KCTD2: variants seen among roughly 807,000 people sequenced by gnomAD.
KCTD2 encodes potassium channel tetramerization domain containing 2.
Under a neutral mutation model 27.9 loss-of-function variants are expected in KCTD2, and 18 were observed. That is an observed-to-expected ratio of 0.64 (90% CI 0.45 to 0.96). KCTD2 has a LOEUF of 0.96. Among genes scored for constraint, KCTD2 ranks in the 40% least tolerant of loss-of-function variants. The pLI, the probability that KCTD2 is intolerant of heterozygous loss-of-function variation, is 0.00. For missense variants in KCTD2, 280 were observed against 348.0 expected, an observed-to-expected ratio of 0.80 and a Z score of 1.56; for synonymous variants, 175 against 148.4, an observed-to-expected ratio of 1.18 and a Z score of -1.30.
chr17:75,062,669 T>C (rs2073415442), intron 5 of KCTD2, among the ~76,000 whole-genome samples: 1 of 139,380 alleles, frequency 7.2e-6, no homozygotes, highest in South Asian at 2.4e-4. Context: ...ACTGTTTCTT[T>C]TCCCTCCACT....
intron 3 of KCTD2, among the ~76,000 whole-genome samples, chr17:75,056,900 C>G (rs1214206201): frequency 6.6e-6 from 1 of 150,628 alleles, no homozygotes; most frequent in Non-Finnish European, 1.5e-5. Context: ...CCTCTTAGCT[C>G]TTAGTGGCTG....
chr17:75,048,351 C>T (rs539949148), intron 1 of KCTD2, among the ~76,000 whole-genome samples: 4 of 152,084 alleles, frequency 2.6e-5, no homozygotes, highest in Admixed American at 1.3e-4. Context: ...ACGTATTCAC[C>T]TTTAAGTTCT....
At chr17:75,060,488 A>G (rs1350738419) in intron 4 of KCTD2, 2 of 1,612,018 alleles carry the variant, frequency 1.2e-6, no homozygotes, top group African/African-American at 2.7e-5. Flanking sequence ...CCAGGGTTGG[A>G]ACTAACCAGA....
chr17:75,049,883 G>A (rs530783198), intron 2 of KCTD2, among the ~76,000 whole-genome samples: 1 of 152,164 alleles, frequency 6.6e-6, no homozygotes, highest in Non-Finnish European at 1.5e-5. Context: ...CTATAAGTGG[G>A]TCTAGTCCAC....
chr17:75,034,566 C>G (rs1270395188), intron 2 of KCTD2, among the ~76,000 whole-genome samples: 1 of 152,176 alleles, frequency 6.6e-6, no homozygotes, highest in Non-Finnish European at 1.5e-5. Flanking sequence ...CCAAACACGG[C>G]CCTGCTGTGG....
chr17:75,034,931 G>C (rs1341561296), intron 2 of KCTD2, among the ~76,000 whole-genome samples: 1 of 152,088 alleles, frequency 6.6e-6, no homozygotes, highest in African/African-American at 2.4e-5. Flanking sequence ...CAATTCCCAG[G>C]GAGGCTCAGA....
chr17:75,041,399 CCA>C (rs959630225), intron 3 of KCTD2: 3 of 146,618 alleles, frequency 2.0e-5, no homozygotes, highest in Non-Finnish European at 4.5e-5. Flanking sequence ...TTGCCTGAGC[CCA>C]GAGTTTGAGA....
At chr17:75,058,029 A>T (rs1016773972) in intron 3 of KCTD2, among the ~76,000 whole-genome samples, 1 of 152,028 alleles carries the variant, frequency 6.6e-6, no homozygotes, top group African/African-American at 2.4e-5. Flanking sequence ...TCCACTAAAA[A>T]TCCAAAAAAA....
chr17:75,060,363 A>C, intron 4 of KCTD2: 1 of 1,355,872 alleles, frequency 7.4e-7, no homozygotes, highest in Non-Finnish European at 1.0e-6. Flanking sequence ...GTAGTCCTTG[A>C]TATTTCTATT....
intron 3 of KCTD2, among the ~76,000 whole-genome samples, chr17:75,037,715 A>G (rs369201003): frequency 6.6e-6 from 1 of 152,176 alleles, no homozygotes; most frequent in Non-Finnish European, 1.5e-5. Context: ...TCTGCTAACC[A>G]TAGTAAATAG....
chr17:75,039,284 A>G (rs765228578), intron 3 of KCTD2: 9 of 1,613,622 alleles, frequency 5.6e-6, no homozygotes, highest in Admixed American at 1.7e-5. Context: ...TTAAGAAGAA[A>G]GAGAAATTCA....
chr17:75,038,940 T>C (rs1567986419), intron 3 of KCTD2: 2 of 1,612,554 alleles, frequency 1.2e-6, no homozygotes, highest in Non-Finnish European at 1.7e-6. Flanking sequence ...TTTTATAAAT[T>C]CTCAATTGGT....
At chr17:75,038,446 A>G (rs914236815) in intron 3 of KCTD2, among the ~76,000 whole-genome samples, 4 of 152,184 alleles carry the variant, frequency 2.6e-5, no homozygotes, top group African/African-American at 9.7e-5. Flanking sequence ...CCCAGCCCAA[A>G]GTTTCCTTTT....
At chr17:75,059,751 A>G in intron 4 of KCTD2, 146 bp downstream of exon 4, 1 of 622,110 alleles carries the variant, frequency 1.6e-6, no homozygotes, top group Non-Finnish European at 2.8e-6. Context: ...GCAAAGAGCC[A>G]TTTGGTGGGC....
chr17:75,049,285 C>G lies in KCTD2; in HGVS notation c.405C>G (p.Leu135=). Residue 135 remains leucine, a synonymous_variant, in exon 2 of 6, where the codon CTC becomes CTG. Transcript: ENST00000322444. ...ACTTTGGTCCTATCCTCAACTACCT[C>G]CGCCACGGGAAACTCATCATCACTA... is the stretch of plus-strand genomic sequence containing the variant. The part of the protein sequence containing the change: ...PTYFGPILNY[L]RHGKLIITKE... 6.2e-7 allele frequency: 1 copy of G among 1,613,796 alleles called. No homozygotes were observed. Among genetic ancestry groups the G allele is most frequent in the Non-Finnish European group, 8.5e-7 (1 of 1,179,670 alleles).
intron 3 of KCTD2, chr17:75,042,059 C>T (rs1397659427): frequency 1.4e-5 from 11 of 812,018 alleles, no homozygotes; most frequent in East Asian, 2.7e-5. Flanking sequence ...TTTGGCCATA[C>T]GCATCCTTCC....
At chr17:75,048,732 C>T (rs1436633863) in intron 1 of KCTD2, 3 of 153,008 alleles carry the variant, frequency 2.0e-5, no homozygotes, top group Non-Finnish European at 4.4e-5. Context: ...AGTGCAAACT[C>T]CCACTGATGT....
At chr17:75,039,350 A>C (rs948014773) in intron 3 of KCTD2, 3 of 1,277,208 alleles carry the variant, frequency 2.3e-6, no homozygotes, top group African/African-American at 2.9e-5. Flanking sequence ...GAGTCGTCCC[A>C]GCCCACTCCT....
chr17:75,055,538 A>T (rs2073340588), intron 3 of KCTD2, among the ~76,000 whole-genome samples: 1 of 151,038 alleles, frequency 6.6e-6, no homozygotes, highest in Non-Finnish European at 1.5e-5. Context: ...CAACATGGTG[A>T]AACCCTGTCT....
Sources: allele counts gnomAD v4.1 joint callset (sites outside exome capture counted in the v4.1 genomes callset), GRCh38; gene constraint gnomAD v4.1.1; transcripts MANE v1.5; gene names NCBI Gene and HGNC (gene_info 2026-07-23, HGNC 2026-07-21).